XIRP2: variants seen among roughly 807,000 people sequenced by gnomAD.
XIRP2 encodes the protein xin actin-binding repeat-containing protein 2.
A neutral mutation model predicts 277.0 loss-of-function variants in XIRP2; 236 were observed. The ratio of observed to expected loss-of-function variants is 0.85; its 90% CI spans 0.77 to 0.95. The LOEUF (loss-of-function observed/expected upper bound fraction) is 0.95, where lower values mean the gene tolerates loss of function less well. Ranked by LOEUF, XIRP2 falls within the 40% of genes least tolerant of loss-of-function variation. XIRP2 has a pLI of 0.00. For synonymous variants in XIRP2, 1,490 were observed against 1,416.5 expected (o/e 1.05, Z -1.17); for missense variants, 4,640 against 4,157.5 (o/e 1.12, Z -3.19).
chr2:167,021,882 T>C (rs566143070), intron 2 of XIRP2, among the ~76,000 whole-genome samples: 23 of 152,228 alleles, frequency 1.5e-4, no homozygotes, highest in Middle Eastern at 3.4e-3. Flanking sequence ...ACTTCTTATA[T>C]GAATAAATCT....
chr2:166,909,060 A>G (rs1209973664), intron 2 of XIRP2, among the ~76,000 whole-genome samples: 2 of 152,182 alleles, frequency 1.3e-5, no homozygotes, highest in East Asian at 1.9e-4. Context: ...TGATGCCTCC[A>G]GCTTTGTTCT....
intron 2 of XIRP2, among the ~76,000 whole-genome samples, chr2:166,998,269 A>C (rs1396272613): frequency 2.6e-5 from 4 of 152,174 alleles, no homozygotes; most frequent in African/African-American, 9.7e-5. Context: ...AAATAAAACA[A>C]AATTAAACTA....
intron 5 of XIRP2, among the ~76,000 whole-genome samples, chr2:167,222,476 C>T (rs374789207): frequency 7.2e-5 from 11 of 152,200 alleles, no homozygotes; most frequent in Non-Finnish European, 1.5e-5. Context: ...TTTTTCATAA[C>T]AACCATTAAT....
intron 6 of XIRP2, among the ~76,000 whole-genome samples, 189 bp from the exon 7 acceptor site, chr2:167,240,475 G>T (rs1319975162): frequency 6.6e-6 from 1 of 152,044 alleles, no homozygotes; most frequent in Non-Finnish European, 1.5e-5. Context: ...CTCTTCGGAT[G>T]TCAATTCAAA....
Position 167,083,407 on chromosome 2 carries a change from G to C in XIRP2, c.409-52502G>C, listed in dbSNP as rs200817933. On this transcript the variant is annotated intron_variant, in intron 2 of 10. Coordinates refer to ENST00000409195, the MANE Select transcript of XIRP2 (RefSeq NM_152381.6). ...CCTCCAGCTTTGTTCTTTTTGCTTAGGATTGCCTTGGCGATGCGGGCTCTT... is the reference window on the plus strand; with the variant it reads ...CCTCCAGCTTTGTTCTTTTTGCTTACGATTGCCTTGGCGATGCGGGCTCTT... Among the ~76,000 whole-genome samples, 105 of 152,330 alleles carry C rather than the reference G, an allele frequency of 6.9e-4. 1 individual carries two copies. In the East Asian group the frequency reaches 0.016, roughly 23 times the overall value.
At chr2:167,065,164 G>A (rs762209514) in intron 2 of XIRP2, among the ~76,000 whole-genome samples, 8 of 151,766 alleles carry the variant, frequency 5.3e-5, no homozygotes, top group Non-Finnish European at 8.9e-5. Flanking sequence ...GTCAATACTT[G>A]TTATTTTCTT....
intron 3 of XIRP2, among the ~76,000 whole-genome samples, chr2:167,181,564 C>G (rs1382471613): frequency 6.6e-6 from 1 of 150,994 alleles, no homozygotes; most frequent in South Asian, 2.1e-4. Flanking sequence ...TGACAAGAAG[C>G]CTATCAAGAA....
intron 3 of XIRP2, among the ~76,000 whole-genome samples, chr2:167,197,887 T>C (rs1308987346): frequency 1.3e-5 from 2 of 152,208 alleles, no homozygotes; most frequent in East Asian, 3.8e-4. Flanking sequence ...TCATCACTGA[T>C]GTATCTGTCT....
chr2:167,243,322 C>G lies in XIRP2; in HGVS notation c.1930C>G (p.Pro644Ala). The part of the protein sequence containing the change: ...SDTVENAEKI[P>A]ELARGDVCTA... ...CACTGTAGAAAATGCAGAGAAAATT[C>G]CTGAGCTAGCCAGAGGAGATGTCTG... Residue 644 changes from proline (P) to alanine (A), a missense_variant, in exon 9 of 11, where the codon CCT becomes GCT. Pro to Ala is a conservative substitution (Grantham distance 27, BLOSUM62 -1). Transcript: ENST00000409195. 6.2e-7 allele frequency: 1 copy of G among 1,613,666 alleles called. No individual in the cohort carries two copies. Among genetic ancestry groups the G allele is most frequent in the Non-Finnish European group, 8.5e-7 (1 of 1,179,786 alleles).
rs370578587 is a variant in XIRP2 at position 167,246,682 on chromosome 2, G to C, written c.5290G>C (p.Glu1764Gln). ...ALDYLKQLHT[E>Q]SNETLTAKKQ... The stretch of plus-strand genomic sequence containing the variant: ...GGATTATCTGAAACAACTCCACACA[G>C]AGTCAAATGAAACACTGACAGCTAA... The change falls in exon 9 of 11, where the codon GAG becomes CAG. Residue 1764 changes from glutamate (E) to glutamine (Q), a missense_variant. Transcript: ENST00000409195. The C allele has an allele frequency of 1.2e-6, 2 of 1,613,574 alleles. No homozygotes were observed. Among genetic ancestry groups the C allele is most frequent in the Non-Finnish European group, 1.7e-6 (2 of 1,179,816 alleles).
At chr2:167,214,259 A>AGGAAGG (rs1259203622) in intron 4 of XIRP2, among the ~76,000 whole-genome samples, 1 of 90,138 alleles carries the variant, frequency 1.1e-5, no homozygotes, top group African/African-American at 5.5e-5. Context: ...GAAGGAAGGA[A>AGGAAGG]AGAGAGAGAG....
chr2:167,200,071 T>G (rs1693635732), intron 3 of XIRP2, among the ~76,000 whole-genome samples: 1 of 152,174 alleles, frequency 6.6e-6, no homozygotes, highest in African/African-American at 2.4e-5. Flanking sequence ...ATAGAATGAG[T>G]AATGAAATTA....
At chr2:166,996,695 A>G (rs1002824205) in intron 2 of XIRP2, among the ~76,000 whole-genome samples, 2 of 152,158 alleles carry the variant, frequency 1.3e-5, no homozygotes, top group East Asian at 1.9e-4. Context: ...AGAATTCTAT[A>G]TATCTAGTGT....
At chr2:167,010,231 T>G (rs879969579) in intron 2 of XIRP2, among the ~76,000 whole-genome samples, 3 of 152,158 alleles carry the variant, frequency 2.0e-5, no homozygotes, top group South Asian at 4.1e-4. Context: ...TAATCCATCT[T>G]GAATTAATTT....
At chr2:167,228,913 T>C (rs1403132896) in intron 5 of XIRP2, among the ~76,000 whole-genome samples, 1 of 152,170 alleles carries the variant, frequency 6.6e-6, no homozygotes, top group East Asian at 1.9e-4. Context: ...CAATTTCATT[T>C]AGAAAAGAAA....
intron 3 of XIRP2, among the ~76,000 whole-genome samples, chr2:167,155,204 C>G (rs915570365): frequency 1.5e-4 from 22 of 150,676 alleles, no homozygotes; most frequent in Admixed American, 1.3e-3. Context: ...TGAAACTATT[C>G]CAATCAATAG....
In XIRP2 at chr2:167,155,809, C is replaced by T. The variant is rs1219041982; in HGVS notation, c.562+19747C>T. ...TTAGGAAAAGAGGAAGTCAAATTGT[C>T]CCTGTTTGCAGATGACATGATTGTA... On this transcript the variant is annotated intron_variant, in intron 3 of 10. Coordinates refer to ENST00000409195, the MANE Select transcript of XIRP2 (RefSeq NM_152381.6). Among the ~76,000 whole-genome samples, 28 of 151,850 alleles carry T rather than the reference C, an allele frequency of 1.8e-4. No homozygotes were observed. The East Asian group carries it at 3.7e-3, about 20-fold the overall frequency.
intron 2 of XIRP2, among the ~76,000 whole-genome samples, chr2:167,015,459 T>TATCTATCC (rs1553478338): frequency 6.7e-6 from 1 of 149,324 alleles, no homozygotes; most frequent in Non-Finnish European, 1.5e-5. Flanking sequence ...TCTATCTATC[T>TATCTATCC]ATCATATTAA....
intron 2 of XIRP2, among the ~76,000 whole-genome samples, chr2:167,054,543 G>T (rs1479910059): frequency 1.3e-5 from 2 of 152,122 alleles, no homozygotes; most frequent in African/African-American, 4.8e-5. Context: ...AATTAGCTGG[G>T]CGTGTTGGTG....
Sources: allele counts gnomAD v4.1 joint callset (sites outside exome capture counted in the v4.1 genomes callset), GRCh38; gene constraint gnomAD v4.1.1; transcripts MANE v1.5; gene names NCBI Gene and HGNC (gene_info 2026-07-23, HGNC 2026-07-21).